Variants in RANBP6 observed in about 807,000 individuals in gnomAD.
RANBP6 encodes ran-binding protein 6.
A neutral mutation model predicts 35.3 loss-of-function variants in RANBP6; 10 were observed. The observed-to-expected ratio is 0.28, with a 90% CI of 0.17 to 0.48. RANBP6 has a LOEUF of 0.48. Ranked by LOEUF, RANBP6 falls within the 20% of genes least tolerant of loss-of-function variation. The pLI is 0.99. For missense variants in RANBP6, 1,392 were observed against 1,307.7 expected (o/e 1.06, Z -0.99); for synonymous variants, 514 against 464.2 (o/e 1.11, Z -1.38).
In RANBP6 at chr9:6,014,239, T is replaced by C. The variant is rs982840711; in HGVS notation, c.1369A>G (p.Thr457Ala). 3 of 1,614,000 alleles carry C rather than the reference T, an allele frequency of 1.9e-6. No homozygotes were observed. The African/African-American group carries it at 4.0e-5, about 22-fold the overall frequency. The change falls in exon 1 of 1, where the codon ACC (threonine) becomes GCC (alanine). Residue 457 changes from threonine to alanine, a missense_variant. Physicochemically the swap from Thr to Ala is moderately conservative, Grantham distance 58. Coordinates refer to ENST00000259569, the MANE Select transcript of RANBP6 (RefSeq NM_012416.4). ...HETVIAALLR[T>A]MENQGNQRVQ... ...CGCTGATTACCTTGATTTTCCATGG[T>C]ACGTAACAGAGCTGCAATCACTGTT... is the stretch of plus-strand genomic sequence containing the variant.
In RANBP6 at chr9:6,014,090, T is replaced by C. The variant is rs376370550; in HGVS notation, c.1518A>G (p.Gln506=). Residue 506 remains glutamine (Q), a synonymous_variant, in exon 1 of 1, where the codon CAA becomes CAG. Coordinates refer to ENST00000259569, the MANE Select transcript of RANBP6 (RefSeq NM_012416.4). ...NLHSVLVIKL[Q]ELIRNGTKLA... ...ACTTAGTTCCATTCCGAATCAACTC[T>C]TGAAGTTTAATCACCAAGACGGAAT... 4.3e-6 allele frequency: 7 copies of C among 1,613,946 alleles called. No homozygotes were observed. In the African/African-American group the frequency reaches 9.3e-5, roughly 22 times the overall value.
chr9:6,013,200 C>A lies in RANBP6; in HGVS notation c.2408G>T (p.Gly803Val), dbSNP rs749769467. 3 of 1,613,884 alleles carry A rather than the reference C, an allele frequency of 1.9e-6. No individual in the cohort carries two copies. In the South Asian group the frequency reaches 3.3e-5, roughly 18 times the overall value. Residue 803 changes from glycine to valine, a missense_variant, in exon 1 of 1, where the codon GGA becomes GTA. Gly to Val is a moderately radical substitution (Grantham distance 109). Transcript: ENST00000259569. ...LNDEHLEELG[G>V]ILKAKLEGHF... ...CCCTTCAAGTTTTGCTTTCAGTATTCCTCCCAGTTCTTCCAAGTGTTCATC... is the reference window on the plus strand; with the variant it reads ...CCCTTCAAGTTTTGCTTTCAGTATTACTCCCAGTTCTTCCAAGTGTTCATC...
chr9:6,013,506 C>G lies in RANBP6; in HGVS notation c.2102G>C (p.Arg701Thr). 1.9e-6 allele frequency: 3 copies of G among 1,614,202 alleles called. No individual in the cohort carries two copies. The highest frequency in any genetic ancestry group is 2.5e-6 in the Non-Finnish European group (3 of 1,180,040). Residue 701 changes from arginine to threonine, a missense_variant, in exon 1 of 1, where the codon AGG becomes ACG. Transcript: ENST00000259569. Reference protein sequence around the residue: ...QMLVYYAKELREGFVEYTEQV... With the variant: ...QMLVYYAKELTEGFVEYTEQV... Reference sequence around the variant, plus strand: ...TTCTGTATATTCCACAAACCCTTCCCTTAACTCCTTAGCATAGTAAACCAA... The same window carrying G: ...TTCTGTATATTCCACAAACCCTTCCGTTAACTCCTTAGCATAGTAAACCAA...
chr9:6,011,057 T>C lies in RANBP6; in HGVS notation c.*1233A>G, dbSNP rs1173663941. The C allele has an allele frequency of 6.6e-6, 1 of 152,206 alleles. No individual in the cohort carries two copies. Among genetic ancestry groups the C allele is most frequent in the Non-Finnish European group, 1.5e-5 (1 of 68,034 alleles). The allele number at this position is 152,206 out of a possible 1,614,324, so 9.4% of individuals were successfully genotyped here. A position where few individuals can be genotyped will look rare whatever the true frequency, so the allele number is the denominator to read the frequency against. ...AACAACAGCAATAACAGCTACAATT[T>C]ATTGAGCACTTACTAGGTCTTAAAT... On this transcript the variant is annotated 3_prime_UTR_variant, in exon 1 of 1. Transcript: ENST00000259569.
At position 6,012,558 on chromosome 9, in the gene RANBP6, G is replaced by A; in HGVS notation, c.3050C>T (p.Ala1017Val). ...ACAGAGAAAACTCAAAGTCTGAATAGCTTCCTCTTTATCTTCATGCAGTGG... is the reference window on the plus strand; with the variant it reads ...ACAGAGAAAACTCAAAGTCTGAATAACTTCCTCTTTATCTTCATGCAGTGG... ...WLPLHEDKEEAIQTLSFLCDL... is the reference protein window; with the variant it reads ...WLPLHEDKEEVIQTLSFLCDL... The change falls in exon 1 of 1, where the codon GCT becomes GTT. Residue 1017 changes from alanine to valine, a missense_variant. Physicochemically the swap from Ala to Val is moderately conservative, Grantham distance 64. Transcript: ENST00000259569. 6.2e-7 allele frequency: 1 copy of A among 1,613,848 alleles called. No homozygotes were observed. The highest frequency in any genetic ancestry group is 8.5e-7 in the Non-Finnish European group (1 of 1,179,926).
rs1842484557 is a variant in RANBP6, at chr9:6,012,262, G to C, written c.*28C>G. The stretch of plus-strand genomic sequence containing the variant: ...CTTATTTGTAGTTACTTTTATAATA[G>C]ATAATATTCAAGTTATATTAAAGTG... On this transcript the variant is annotated 3_prime_UTR_variant, in exon 1 of 1. Transcript: ENST00000259569. 6 of 1,416,410 alleles carry C rather than the reference G, an allele frequency of 4.2e-6. No homozygotes were observed. Among genetic ancestry groups the C allele is most frequent in the East Asian group, 2.3e-5 (1 of 42,718 alleles). The allele number at this position is 1,416,410 out of a possible 1,614,324, so 87.7% of individuals were successfully genotyped here.
In RANBP6 at chr9:6,014,338, T is replaced by C. The variant is rs1842535675; in HGVS notation, c.1270A>G (p.Arg424Gly). ...CCAAGTGTAGTACAGGCTGCAGCCC[T>C]CACCCTTGGATGAGGATCCTGAAGA... Reference protein sequence around the residue: ...LFLQDPHPRVRAAACTTLGQM... With the variant: ...LFLQDPHPRVGAAACTTLGQM... Residue 424 changes from arginine to glycine, a missense_variant, in exon 1 of 1, where the codon AGG becomes GGG. Coordinates refer to ENST00000259569, the MANE Select transcript of RANBP6 (RefSeq NM_012416.4). The C allele has an allele frequency of 1.2e-6, 2 of 1,614,088 alleles. No homozygotes were observed.
At position 6,014,917 on chromosome 9, in the gene RANBP6, G is replaced by C. The variant is rs955756730; in HGVS notation, c.691C>G (p.Gln231Glu). ...DFADLLPGIL[Q>E]AVNDSCYQDD... ...TGGTAGCATGAGTCATTCACAGCCT[G>C]TAAGATTCCAGGAAGCAAGTCTGCA... is the stretch of plus-strand genomic sequence containing the variant. The change falls in exon 1 of 1, where the codon CAG becomes GAG. Residue 231 changes from glutamine (Q) to glutamate (E), a missense_variant. Coordinates refer to ENST00000259569, the MANE Select transcript of RANBP6 (RefSeq NM_012416.4). The C allele has an allele frequency of 6.2e-7, 1 of 1,614,126 alleles. No individual in the cohort carries two copies. The highest frequency in any genetic ancestry group is 8.5e-7 in the Non-Finnish European group (1 of 1,179,990).
Position 6,015,322 on chromosome 9 carries a change from C to G in RANBP6, c.286G>C (p.Asp96His), listed in dbSNP as rs1470205666. The change falls in exon 1 of 1, where the codon GAT (aspartate) becomes CAT (histidine). Residue 96 changes from aspartate to histidine, a missense_variant. Physicochemically the swap from Asp to His is moderately conservative, Grantham distance 81. Coordinates refer to ENST00000259569, the MANE Select transcript of RANBP6 (RefSeq NM_012416.4). ...GCCAGAATCAGTTCAATCTTGACAT[C>G]TCTCTGAACATCAGCAGGCAGATTT... ...YPNLPADVQR[D>H]VKIELILAVK... 1 of 1,614,122 alleles carries G rather than the reference C, an allele frequency of 6.2e-7. No homozygotes were observed. The highest frequency in any genetic ancestry group is 8.5e-7 in the Non-Finnish European group (1 of 1,180,062).
At position 6,013,179 on chromosome 9, in the gene RANBP6, T is replaced by G; in HGVS notation, c.2429A>C (p.Glu810Ala). ...CAATTCTTGGTTTTTAAAGTGCCCT[T>G]CAAGTTTTGCTTTCAGTATTCCTCC... Reference protein sequence around the residue: ...ELGGILKAKLEGHFKNQELRQ... With the variant: ...ELGGILKAKLAGHFKNQELRQ... The change falls in exon 1 of 1, where the codon GAA (glutamate) becomes GCA (alanine). Residue 810 changes from glutamate to alanine, a missense_variant. Physicochemically the swap from Glu to Ala is moderately radical, Grantham distance 107. Coordinates refer to ENST00000259569, the MANE Select transcript of RANBP6 (RefSeq NM_012416.4). The G allele has an allele frequency of 6.2e-7, 1 of 1,613,980 alleles. No homozygotes were observed. The highest frequency in any genetic ancestry group is 8.5e-7 in the Non-Finnish European group (1 of 1,179,996).
chr9:6,012,414 CA>C lies in RANBP6; in HGVS notation c.3193del (p.Cys1065ValfsTer5). 1 of 1,613,958 alleles carries C rather than the reference CA, an allele frequency of 6.2e-7. No homozygotes were observed. The highest frequency in any genetic ancestry group is 8.5e-7 in the Non-Finnish European group (1 of 1,179,902). ...CACGACATTAGCTAGGCGTTTGGCA[CA>C]AGGATCCTCATAGTTAATAGTCTCA... is the stretch of plus-strand genomic sequence containing the variant. ...INETINYEDP[C>X]AKRLANVVRQ... On this transcript the variant is annotated frameshift_variant, in exon 1 of 1. Transcript: ENST00000259569. LOFTEE classifies it high-confidence loss of function.
At position 6,015,197 on chromosome 9, in the gene RANBP6, C is replaced by G; in HGVS notation, c.411G>C (p.Trp137Cys). The G allele has an allele frequency of 6.8e-6, 11 of 1,614,156 alleles. No individual in the cohort carries two copies. Among genetic ancestry groups the G allele is most frequent in the Non-Finnish European group, 9.3e-6 (11 of 1,180,048 alleles). ...NLIDEDGTNH[W>C]PEGLKFLIDS... Reference sequence around the variant, plus strand: ...CAATAAGAAACTTCAGACCTTCCGGCCAGTGGTTAGTGCCATCCTCATCTA... The same window carrying G: ...CAATAAGAAACTTCAGACCTTCCGGGCAGTGGTTAGTGCCATCCTCATCTA... Residue 137 changes from tryptophan (W) to cysteine (C), a missense_variant, in exon 1 of 1, where the codon TGG becomes TGC. By Grantham distance (215) the Trp-to-Cys change is radical. Transcript: ENST00000259569.
rs1233563545 is a variant in RANBP6 at position 6,012,388 on chromosome 9, G to T, written c.3220C>A (p.Arg1074Ser). ...AAATCTTCAGAAGTCTGTACCTGACGCACGACATTAGCTAGGCGTTTGGCA... is the reference window on the plus strand; with the variant it reads ...AAATCTTCAGAAGTCTGTACCTGACTCACGACATTAGCTAGGCGTTTGGCA... ...PCAKRLANVV[R>S]QVQTSEDLWL... Residue 1074 changes from arginine (R) to serine (S), a missense_variant, in exon 1 of 1, where the codon CGT becomes AGT. Coordinates refer to ENST00000259569, the MANE Select transcript of RANBP6 (RefSeq NM_012416.4). The T allele has an allele frequency of 6.2e-7, 1 of 1,613,766 alleles. No homozygotes were observed. The highest frequency in any genetic ancestry group is 8.5e-7 in the Non-Finnish European group (1 of 1,179,800).
chr9:6,012,527 T>G lies in RANBP6; in HGVS notation c.3081A>C (p.Leu1027=). ...TTACAACTGGGTGGTTACTTTCAAT[T>G]AGGTCACAGAGAAAACTCAAAGTCT... ...AIQTLSFLCD[L]IESNHPVVIG... is the part of the protein sequence containing the mutation. The change falls in exon 1 of 1, where the codon CTA becomes CTC. Residue 1027 remains leucine (L), a synonymous_variant. Transcript: ENST00000259569. The G allele has an allele frequency of 6.2e-7, 1 of 1,612,900 alleles. No individual in the cohort carries two copies. Among genetic ancestry groups the G allele is most frequent in the Non-Finnish European group, 8.5e-7 (1 of 1,179,594 alleles).
rs1411949 is a variant in RANBP6 at position 6,012,968 on chromosome 9, A to G, written c.2640T>C (p.Ile880=). ...EQLLPLIVNL[I]CSSRPWPDRQ... is the part of the protein sequence containing the mutation. ...TGTCTGGCCATGGCCTACTTGAACAAATTAGATTTACAATTAATGGAAGTA... is the reference window on the plus strand; with the variant it reads ...TGTCTGGCCATGGCCTACTTGAACAGATTAGATTTACAATTAATGGAAGTA... Residue 880 remains isoleucine (I), a synonymous_variant, in exon 1 of 1, where the codon ATT becomes ATC. Transcript: ENST00000259569. 0.025 allele frequency: 40,300 copies of G among 1,614,044 alleles called. 3,875 individuals carry two copies. In the African/African-American group the frequency reaches 0.27, roughly 11 times the overall value.
rs1279994852 is a variant in RANBP6 at position 6,015,126 on chromosome 9, T to G, written c.482A>C (p.His161Pro). The part of the protein sequence containing the change: ...KNVVLWEVAL[H>P]VFWHFPGIFG... ...AATCCCAGGAAAGTGCCAGAAAACG[T>G]GAAGTGCAACTTCCCATAGAACCAC... is the stretch of plus-strand genomic sequence containing the variant. Residue 161 changes from histidine (H) to proline (P), a missense_variant, in exon 1 of 1, where the codon CAC becomes CCC. Coordinates refer to ENST00000259569, the MANE Select transcript of RANBP6 (RefSeq NM_012416.4). The G allele has an allele frequency of 6.2e-7, 1 of 1,614,144 alleles. No individual in the cohort carries two copies. Among genetic ancestry groups the G allele is most frequent in the Non-Finnish European group, 8.5e-7 (1 of 1,180,040 alleles).
At position 6,013,405 on chromosome 9, in the gene RANBP6, T is replaced by C; in HGVS notation, c.2203A>G (p.Met735Val). 1.2e-6 allele frequency: 2 copies of C among 1,614,214 alleles called. No individual in the cohort carries two copies. Among genetic ancestry groups the C allele is most frequent in the Non-Finnish European group, 1.7e-6 (2 of 1,180,036 alleles). ...CTTGCACATTCCAGGAGAAAAGGCA[T>C]GGACTCTGCTGCTGCCACTCGAACA... ...DNVRVAAAES[M>V]PFLLECARIR... Residue 735 changes from methionine (M) to valine (V), a missense_variant, in exon 1 of 1, where the codon ATG becomes GTG. By Grantham distance (21) the Met-to-Val change is conservative (BLOSUM62 1). Coordinates refer to ENST00000259569, the MANE Select transcript of RANBP6 (RefSeq NM_012416.4).
chr9:6,013,976 G>A lies in RANBP6; in HGVS notation c.1632C>T (p.Pro544=). 4 of 1,613,930 alleles carry A rather than the reference G, an allele frequency of 2.5e-6. No homozygotes were observed. The highest frequency in any genetic ancestry group is 3.4e-6 in the Non-Finnish European group (4 of 1,179,990). The change falls in exon 1 of 1, where the codon CCC becomes CCT. Residue 544 remains proline (P), a synonymous_variant. Transcript: ENST00000259569. ...CAAGCTCAACAATGTGCTTTAGTGA[G>A]GGCATGAATATATCATAATATGGGA... The part of the protein sequence containing the change: ...KFVPYYDIFM[P]SLKHIVELAV...
rs1172983947 is a variant in RANBP6 at position 6,013,725 on chromosome 9, T to C, written c.1883A>G (p.Gln628Arg). Residue 628 changes from glutamine to arginine, a missense_variant, in exon 1 of 1, where the codon CAA becomes CGA. Gln to Arg is a conservative substitution (Grantham distance 43, BLOSUM62 1). Coordinates refer to ENST00000259569, the MANE Select transcript of RANBP6 (RefSeq NM_012416.4). ...RMCKILGKDF[Q>R]QYLPLVIEPL... ...CTCGATAACCAGTGGAAGGTACTGT[T>C]GAAAATCTTTTCCAAGAATTTTACA... 2 of 1,613,984 alleles carry C rather than the reference T, an allele frequency of 1.2e-6. No individual in the cohort carries two copies. Among genetic ancestry groups the C allele is most frequent in the African/African-American group, 1.3e-5 (1 of 74,948 alleles).
Sources: gnomAD v4.1 joint callset for allele counts on GRCh38, gnomAD v4.1.1 for gene constraint, MANE v1.5 for transcripts, NCBI Gene and HGNC (gene_info 2026-07-23, HGNC 2026-07-21) for gene names.